IL1RAPL2: variants seen among roughly 807,000 people sequenced by gnomAD.
IL1RAPL2 encodes the protein X-linked interleukin-1 receptor accessory protein-like 2.
IL1RAPL2 carries 3 observed loss-of-function variants against 44.1 expected under a neutral mutation model. The ratio of observed to expected loss-of-function variants is 0.07; its 90% confidence interval spans 0.03 to 0.18. IL1RAPL2 has a LOEUF of 0.18. Ranked by LOEUF, IL1RAPL2 falls within the 10% of genes least tolerant of loss-of-function variation. The pLI is 1.00. For missense variants in IL1RAPL2, 391 were observed against 496.4 expected (o/e 0.79, Z 2.02); for synonymous variants, 181 against 178.8 (o/e 1.01, Z -0.10).
chrX:105,018,819 C>A (rs1182696686), intron 2 of IL1RAPL2, among the ~76,000 whole-genome samples: 2 of 111,638 alleles, frequency 1.8e-5, no homozygotes, highest in Non-Finnish European at 3.8e-5. Context: ...TGCACTAACT[C>A]ACTTTTCATT....
Position 105,154,705 on chromosome X carries a change from T to C in IL1RAPL2, c.83-40770T>C, listed in dbSNP as rs184126255. Among the ~76,000 whole-genome samples the C allele has an allele frequency of 2.3e-3, 259 of 111,753 alleles. 1 individual carries two copies. Among genetic ancestry groups the C allele is most frequent in the Non-Finnish European group, 2.1e-3 (111 of 53,087 alleles). ...TCTCCTCCACTGGATCCTCTTTTCT[T>C]GTTCTCCCTTTTATTTTTTTCTTCA... On this transcript the variant is annotated intron_variant, in intron 2 of 10. Coordinates refer to ENST00000372582, the MANE Select transcript of IL1RAPL2 (RefSeq NM_017416.2).
At chrX:104,708,977 T>G (rs1327974826) in intron 2 of IL1RAPL2, among the ~76,000 whole-genome samples, 1 of 111,458 alleles carries the variant, frequency 9.0e-6, no homozygotes, top group Non-Finnish European at 1.9e-5. Context: ...TAAAAATTTG[T>G]AAGATAGATG....
intron 2 of IL1RAPL2, among the ~76,000 whole-genome samples, chrX:105,098,615 CT>C (rs770069465): frequency 6.5e-4 from 73 of 112,264 alleles, no homozygotes; most frequent in Admixed American, 2.3e-3. Flanking sequence ...GCTGTTCATA[CT>C]TTGTATGAAA....
chrX:105,673,195 T>A (rs930513614), intron 6 of IL1RAPL2, among the ~76,000 whole-genome samples: 1 of 111,613 alleles, frequency 9.0e-6, no homozygotes, highest in Non-Finnish European at 1.9e-5. Flanking sequence ...GGGGTACATA[T>A]GCAGTATGTG....
chrX:104,694,833 A>G (rs977687533), intron 2 of IL1RAPL2, among the ~76,000 whole-genome samples: 6 of 111,849 alleles, frequency 5.4e-5, no homozygotes, highest in African/African-American at 1.9e-4. Flanking sequence ...TCCCCAAACT[A>G]ATTGTCTCTA....
chrX:104,880,973 G>A (rs996794048), intron 2 of IL1RAPL2, among the ~76,000 whole-genome samples: 6 of 111,380 alleles, frequency 5.4e-5, no homozygotes, highest in African/African-American at 9.8e-5. Context: ...CTCATTTTGC[G>A]GAGTGGTTAT....
chrX:105,059,433 C>T (rs963640296), intron 2 of IL1RAPL2, among the ~76,000 whole-genome samples: 42 of 112,423 alleles, frequency 3.7e-4, no homozygotes, highest in Non-Finnish European at 1.9e-4. Flanking sequence ...CAATTTCATC[C>T]ATGTTGTTGC....
intron 2 of IL1RAPL2, among the ~76,000 whole-genome samples, chrX:104,906,116 G>T (rs1923992637): frequency 9.1e-6 from 1 of 109,442 alleles, no homozygotes; most frequent in Non-Finnish European, 1.9e-5. Context: ...GTCTGTTATT[G>T]GTGTATAAGA....
chrX:105,331,796 A>C (rs57569055), intron 5 of IL1RAPL2, among the ~76,000 whole-genome samples: 4,018 of 111,525 alleles, frequency 0.036, 200 homozygotes, highest in African/African-American at 0.12. Context: ...CTTCAAATAA[A>C]ATACTACCAA....
intron 6 of IL1RAPL2, among the ~76,000 whole-genome samples, chrX:105,489,775 T>TCTC (rs1569447160): frequency 9.1e-5 from 6 of 65,845 alleles, no homozygotes; most frequent in African/African-American, 1.8e-4. Context: ...TTTCTTTCTT[T>TCTC]TCTTTCTCTC....
chrX:104,630,497 C>T (rs1929618786), intron 1 of IL1RAPL2, among the ~76,000 whole-genome samples: 2 of 107,685 alleles, frequency 1.9e-5, no homozygotes, highest in Non-Finnish European at 3.8e-5. Context: ...GGGGTTTCAC[C>T]ATGTTGGCCA....
chrX:104,809,626 T>C (rs1458155793), intron 2 of IL1RAPL2, among the ~76,000 whole-genome samples: 1 of 109,898 alleles, frequency 9.1e-6, no homozygotes, highest in Admixed American at 9.7e-5. Context: ...TTCTGGATAT[T>C]AGCCCTTTGT....
intron 1 of IL1RAPL2, among the ~76,000 whole-genome samples, chrX:104,605,662 A>G (rs1928992561): frequency 8.9e-6 from 1 of 112,236 alleles, no homozygotes; most frequent in Admixed American, 9.4e-5. Context: ...ACAGAAATGC[A>G]AACTACCATT....
chrX:105,300,418 AACTC>A (rs1189764740), intron 5 of IL1RAPL2, among the ~76,000 whole-genome samples: 3 of 110,044 alleles, frequency 2.7e-5, no homozygotes, highest in Admixed American at 9.7e-5. Flanking sequence ...ATCTTGCAAA[AACTC>A]ACTCACTATC....
intron 2 of IL1RAPL2, among the ~76,000 whole-genome samples, chrX:105,160,466 A>G (rs908482557): frequency 9.0e-6 from 1 of 111,636 alleles, no homozygotes; most frequent in Admixed American, 9.6e-5. Context: ...GAATGAGAGA[A>G]TGGACTTAGA....
chrX:105,079,105 A>T (rs1369637990), intron 2 of IL1RAPL2, among the ~76,000 whole-genome samples: 1 of 111,627 alleles, frequency 9.0e-6, no homozygotes, highest in African/African-American at 3.3e-5. Flanking sequence ...TGCAGAAATC[A>T]CCCGTCTTCT....
chrX:105,037,147 A>T (rs903322373), intron 2 of IL1RAPL2, among the ~76,000 whole-genome samples: 8 of 111,771 alleles, frequency 7.2e-5, no homozygotes, highest in African/African-American at 9.8e-5. Flanking sequence ...GTTGTCTAAG[A>T]GGGCTGAGTG....
At chrX:104,914,733 A>T (rs987120778) in intron 2 of IL1RAPL2, among the ~76,000 whole-genome samples, 1 of 109,278 alleles carries the variant, frequency 9.2e-6, no homozygotes, top group Non-Finnish European at 1.9e-5. Flanking sequence ...ACCCCACAAC[A>T]GTCCCCAGAG....
intron 2 of IL1RAPL2, among the ~76,000 whole-genome samples, chrX:104,841,407 T>C (rs1157259801): frequency 8.9e-6 from 1 of 112,241 alleles, no homozygotes; most frequent in Non-Finnish European, 1.9e-5. Context: ...AATATTGTTA[T>C]GTATGAATTT....
Sources: gnomAD v4.1 joint callset for allele counts (sites outside exome capture counted in the v4.1 genomes callset) on GRCh38, gnomAD v4.1.1 for gene constraint, MANE v1.5 for transcripts, NCBI Gene and HGNC (gene_info 2026-07-23, HGNC 2026-07-21) for gene names.